WNK1: variants seen among roughly 807,000 people sequenced by gnomAD.
WNK1 encodes the protein serine/threonine-protein kinase WNK1.
A neutral mutation model predicts 222.8 loss-of-function variants in WNK1; 38 were observed. That is an observed-to-expected ratio of 0.17 (90% CI 0.13 to 0.22). WNK1 has a LOEUF of 0.22. Ranked by LOEUF, WNK1 falls within the 10% of genes least tolerant of loss-of-function variation. The probability of loss-of-function intolerance (pLI) is 1.00; values close to 1 mark genes in which losing one functional copy is unlikely to be tolerated. For missense variants in WNK1, 2,348 were observed against 2,918.4 expected (o/e 0.80, Z 4.50); for synonymous variants, 1,090 against 1,092.9 (o/e 1.00, Z 0.05).
chr12:879,592 T>C lies in WNK1; in HGVS notation c.2393T>C (p.Val798Ala), dbSNP rs1429902118. The C allele has an allele frequency of 6.3e-7, 1 of 1,582,176 alleles. No individual in the cohort carries two copies. Among genetic ancestry groups the C allele is most frequent in the South Asian group, 1.1e-5 (1 of 90,356 alleles). The change falls in exon 11 of 28, where the codon GTA becomes GCA. Residue 798 changes from valine to alanine, a missense_variant. By Grantham distance (64) the Val-to-Ala change is moderately conservative (BLOSUM62 0). Coordinates refer to ENST00000315939, the MANE Select transcript of WNK1 (RefSeq NM_018979.4). ...TCCCAGCTTCCAGTTTCCCAGCCAG[T>C]ACCAACTATCCAAGGCGAACCTCAG... The part of the protein sequence containing the change: ...AGKQLPVSQP[V>A]PTIQGEPQIP...
chr12:880,545 T>G (rs1447248799), intron 11 of WNK1, among the ~76,000 whole-genome samples, 176 bp from the exon 12 acceptor site: 2 of 152,106 alleles, frequency 1.3e-5, no homozygotes, highest in African/African-American at 2.4e-5. Context: ...TTGGAACCAG[T>G]CTACTACTTC....
At chr12:858,228 C>T (rs572188103) in intron 5 of WNK1, among the ~76,000 whole-genome samples, 1 of 149,116 alleles carries the variant, frequency 6.7e-6, no homozygotes, top group Non-Finnish European at 1.5e-5. Context: ...CTTGTCACGT[C>T]GCCTAGGCTG....
At chr12:787,697 C>G (rs984626096) in intron 1 of WNK1, among the ~76,000 whole-genome samples, 3 of 152,038 alleles carry the variant, frequency 2.0e-5, no homozygotes, top group Non-Finnish European at 4.4e-5. Flanking sequence ...GTAGGCTGCT[C>G]TGTTGTAAAG....
Position 886,055 on chromosome 12 carries a change from C to G in WNK1, c.5251C>G (p.Pro1751Ala). Reference sequence around the variant, plus strand: ...ATCAGGAGTGAAACCTGGAACTGCTCCCTCCAAGCCACCTCTAACTAAGGC... The same window carrying G: ...ATCAGGAGTGAAACCTGGAACTGCTGCCTCCAAGCCACCTCTAACTAAGGC... ...TTSGVKPGTAPSKPPLTKAPV... is the reference protein window; with the variant it reads ...TTSGVKPGTAASKPPLTKAPV... The change falls in exon 19 of 28, where the codon CCC (proline) becomes GCC (alanine). Residue 1751 changes from proline (P) to alanine (A), a missense_variant. Transcript: ENST00000315939. 1 of 1,605,128 alleles carries G rather than the reference C, an allele frequency of 6.2e-7. No homozygotes were observed. Among genetic ancestry groups the G allele is most frequent in the Non-Finnish European group, 8.5e-7 (1 of 1,177,552 alleles).
At chr12:838,623 C>T (rs1949386380) in intron 4 of WNK1, among the ~76,000 whole-genome samples, 2 of 151,884 alleles carry the variant, frequency 1.3e-5, no homozygotes, top group African/African-American at 4.8e-5. Context: ...GTCATGTTGC[C>T]CAGGCTGGTC....
rs1320127752 is a variant in WNK1 at position 909,214 on chromosome 12, A to G, written c.*422A>G. ...CCCTCAAGAATCCGAACCACAGGAC[A>G]AAAACCACCTACTGGGCTCTCTCCT... On this transcript the variant is annotated 3_prime_UTR_variant, in exon 28 of 28. Coordinates refer to ENST00000315939, the MANE Select transcript of WNK1 (RefSeq NM_018979.4). 1 of 208,806 alleles carries G rather than the reference A, an allele frequency of 4.8e-6. No homozygotes were observed. Among genetic ancestry groups the G allele is most frequent in the Admixed American group, 5.3e-5 (1 of 18,982 alleles). 12.9% of individuals were successfully genotyped at this position (208,806 alleles called of 1,614,324 possible).
At chr12:833,012 C>G (rs1948914429) in intron 4 of WNK1, among the ~76,000 whole-genome samples, 1 of 148,178 alleles carries the variant, frequency 6.7e-6, no homozygotes, top group Admixed American at 6.7e-5. Context: ...TTTACATTCT[C>G]TCTTTTTTTT....
intron 2 of WNK1, among the ~76,000 whole-genome samples, chr12:820,579 A>G (rs1375068531): frequency 6.7e-6 from 1 of 149,288 alleles, no homozygotes; most frequent in East Asian, 2.0e-4. Flanking sequence ...GGCTTAAAGG[A>G]TCCTCCCACC....
chr12:891,170 C>T (rs557611413), intron 22 of WNK1, among the ~76,000 whole-genome samples: 3 of 151,976 alleles, frequency 2.0e-5, no homozygotes, highest in Non-Finnish European at 2.9e-5. Context: ...GTGGAGTTTG[C>T]TCTTGTTGCC....
chr12:754,423 T>C, intron 1 of WNK1, 99 bp downstream of exon 1: 1 of 1,525,736 alleles, frequency 6.6e-7, no homozygotes, highest in Middle Eastern at 1.7e-4. Flanking sequence ...CATTCTCTGT[T>C]GGACTCCGAG....
At chr12:883,673 C>T (rs180688701) in intron 16 of WNK1, 101 bp from the exon 17 acceptor site, 143 of 1,594,256 alleles carry the variant, frequency 9.0e-5, no homozygotes, top group East Asian at 6.5e-4. Context: ...CACCCATGAC[C>T]GACAACAAAC....
chr12:851,291 G>A, intron 4 of WNK1: 1 of 876,314 alleles, frequency 1.1e-6, no homozygotes, highest in East Asian at 1.2e-4. Context: ...GAGTGTTTTT[G>A]GTAAATGGGT....
In WNK1 at chr12:908,861, G is replaced by GGGGGGGGGGGGGGGGGGCA; in HGVS notation, c.*69_*70insGGGGGGGGGGGGGGGGGCA. On this transcript the variant is annotated 3_prime_UTR_variant, in exon 28 of 28. Coordinates refer to ENST00000315939, the MANE Select transcript of WNK1 (RefSeq NM_018979.4). The stretch of plus-strand genomic sequence containing the variant: ...ATGCTGAGGGGGTGGGTGGGGGTGG[G>GGGGGGGGGGGGGGGGGGCA]AAGTAGCCTATATACTAACTACTAG... 3 of 491,846 alleles carry GGGGGGGGGGGGGGGGGGCA rather than the reference G, an allele frequency of 6.1e-6. No homozygotes were observed. The highest frequency in any genetic ancestry group is 6.0e-5 in the East Asian group (1 of 16,748). 30.5% of individuals were successfully genotyped at this position (491,846 alleles called of 1,614,324 possible). A position where few individuals can be genotyped will look rare whatever the true frequency, so the allele number is the denominator to read the frequency against.
At chr12:794,583 A>C (rs1007186237) in intron 1 of WNK1, among the ~76,000 whole-genome samples, 4 of 150,562 alleles carry the variant, frequency 2.7e-5, no homozygotes, top group Non-Finnish European at 5.9e-5. Context: ...TGGGCTTTGT[A>C]CTGTATGGGG....
chr12:755,582 CATTA>C (rs144564597), intron 1 of WNK1, among the ~76,000 whole-genome samples: 295 of 151,876 alleles, frequency 1.9e-3, no homozygotes, highest in African/African-American at 6.4e-3. Context: ...TAAAACTACT[CATTA>C]ATTTTATAGT....
intron 9 of WNK1, among the ~76,000 whole-genome samples, chr12:877,394 C>T (rs1265186493): frequency 2.0e-5 from 3 of 152,020 alleles, no homozygotes; most frequent in Non-Finnish European, 4.4e-5. Context: ...ACAGAAGGGG[C>T]AGTACTCTAG....
At chr12:757,462 A>T (rs1940287428) in intron 1 of WNK1, among the ~76,000 whole-genome samples, 1 of 151,816 alleles carries the variant, frequency 6.6e-6, no homozygotes, top group Admixed American at 6.6e-5. Context: ...AGTAGCTGGG[A>T]GTACAGGCGC....
chr12:833,435 C>A (rs557274205), intron 4 of WNK1, among the ~76,000 whole-genome samples: 178 of 152,308 alleles, frequency 1.2e-3, no homozygotes, highest in African/African-American at 4.2e-3. Flanking sequence ...TTAGTTAAAT[C>A]AGTTCTCTTC....
intron 1 of WNK1, among the ~76,000 whole-genome samples, chr12:768,787 C>T (rs1320331733): frequency 6.6e-6 from 1 of 152,004 alleles, no homozygotes; most frequent in African/African-American, 2.4e-5. Flanking sequence ...ATAATTTTTC[C>T]CTTTCTTCAT....
Sources: allele counts gnomAD v4.1 joint callset (sites outside exome capture counted in the v4.1 genomes callset), GRCh38; gene constraint gnomAD v4.1.1; transcripts MANE v1.5; gene names NCBI Gene and HGNC (gene_info 2026-07-23, HGNC 2026-07-21).